Variants in ARID5B observed in about 807,000 individuals in gnomAD.
ARID5B encodes the protein AT-rich interaction domain 5B, also known as AT-rich interactive domain-containing protein 5B.
Under a neutral mutation model 97.2 loss-of-function variants are expected in ARID5B, and 13 were observed. The observed-to-expected ratio is 0.13, with a 90% CI of 0.09 to 0.21. ARID5B has a LOEUF of 0.21. Ranked by LOEUF, ARID5B falls within the 10% of genes least tolerant of loss-of-function variation. ARID5B has a pLI of 1.00. For synonymous variants in ARID5B, 556 were observed against 570.3 expected (o/e 0.97, Z 0.36); for missense variants, 1,210 against 1,465.3 (o/e 0.83, Z 2.84).
intron 4 of ARID5B, among the ~76,000 whole-genome samples, chr10:62,037,058 A>G (rs192121970): frequency 8.3e-4 from 127 of 152,360 alleles, no homozygotes; most frequent in Admixed American, 4.7e-3. Flanking sequence ...CTCCGGCTCC[A>G]TATTTTAAGA....
At chr10:62,045,048 A>G (rs1047758248) in intron 4 of ARID5B, among the ~76,000 whole-genome samples, 5 of 152,260 alleles carry the variant, frequency 3.3e-5, no homozygotes, top group Admixed American at 3.3e-4. Context: ...TGGATTTGAA[A>G]TAAAAATTTC....
chr10:62,059,095 C>G (rs568884129), intron 6 of ARID5B, 148 bp from the exon 7 acceptor site: 3 of 566,974 alleles, frequency 5.3e-6, no homozygotes, highest in Non-Finnish European at 9.2e-6. Flanking sequence ...GCCCTTTGGG[C>G]AAATTGTTTC....
chr10:62,029,187 T>G (rs1340912056), intron 4 of ARID5B, among the ~76,000 whole-genome samples: 1 of 152,162 alleles, frequency 6.6e-6, no homozygotes, highest in Non-Finnish European at 1.5e-5. Context: ...CTCCATTTTT[T>G]TATGTTCCGC....
At chr10:62,027,285 CTTTTTTTTTTTTTTTTTTTTTTTTTT>C (rs777291593) in intron 4 of ARID5B, among the ~76,000 whole-genome samples, 9 of 67,404 alleles carry the variant, frequency 1.3e-4, no homozygotes, top group Admixed American at 9.3e-4. Context: ...ACAGTATCTC[CTTTTTTTTTTTTTTTTTTTTTTTTTT>C]TTTTTTTTTT....
intron 3 of ARID5B, among the ~76,000 whole-genome samples, chr10:61,940,613 A>G (rs1156415261): frequency 2.6e-5 from 4 of 152,024 alleles, no homozygotes; most frequent in Admixed American, 6.6e-5. Flanking sequence ...CCTTTTATGT[A>G]TGGACCCTTG....
chr10:61,993,428 A>G (rs1215286685), intron 3 of ARID5B, among the ~76,000 whole-genome samples: 1 of 152,214 alleles, frequency 6.6e-6, no homozygotes, highest in African/African-American at 2.4e-5. Context: ...TTTCTGTATA[A>G]TGTCCTGTAA....
intron 3 of ARID5B, among the ~76,000 whole-genome samples, chr10:61,973,450 A>G (rs965271695): frequency 1.3e-5 from 2 of 152,222 alleles, no homozygotes; most frequent in Admixed American, 6.5e-5. Flanking sequence ...GGAAACATTC[A>G]TTCCACTATT....
intron 3 of ARID5B, among the ~76,000 whole-genome samples, chr10:61,973,848 A>G (rs1019379123): frequency 6.6e-6 from 1 of 152,220 alleles, no homozygotes; most frequent in Non-Finnish European, 1.5e-5. Context: ...TATTACAAAT[A>G]GTTTGAAGAT....
intron 4 of ARID5B, among the ~76,000 whole-genome samples, chr10:62,033,157 A>T (rs1290913547): frequency 6.6e-6 from 1 of 152,152 alleles, no homozygotes; most frequent in Non-Finnish European, 1.5e-5. Flanking sequence ...GATACAGGGG[A>T]TTCCAATGAT....
At chr10:61,926,407 T>C (rs1304948777) in intron 2 of ARID5B, among the ~76,000 whole-genome samples, 2 of 151,942 alleles carry the variant, frequency 1.3e-5, no homozygotes, top group Admixed American at 1.3e-4. Context: ...TCCACTTCAG[T>C]TTTTTCATCT....
chr10:61,979,766 G>A (rs900559851), intron 3 of ARID5B, among the ~76,000 whole-genome samples: 13 of 152,138 alleles, frequency 8.5e-5, no homozygotes, highest in African/African-American at 2.2e-4. Context: ...CTTTTAAAAC[G>A]AGAAGAAAAC....
At chr10:62,004,899 C>A (rs1839126826) in intron 4 of ARID5B, among the ~76,000 whole-genome samples, 1 of 152,122 alleles carries the variant, frequency 6.6e-6, no homozygotes. Flanking sequence ...TGTAAGGCAG[C>A]TCAATATATA....
intron 6 of ARID5B, among the ~76,000 whole-genome samples, 198 bp downstream of exon 6, chr10:62,057,516 T>C (rs1451719461): frequency 6.6e-6 from 1 of 152,198 alleles, no homozygotes; most frequent in Non-Finnish European, 1.5e-5. Flanking sequence ...TCTGGGACAG[T>C]TGCAGTGAGA....
chr10:62,090,994 A>C lies in ARID5B; in HGVS notation c.1531A>C (p.Arg511=). 1.2e-6 allele frequency: 2 copies of C among 1,614,212 alleles called. No individual in the cohort carries two copies. Among genetic ancestry groups the C allele is most frequent in the Non-Finnish European group, 1.7e-6 (2 of 1,180,030 alleles). ...QEFSAKPLAS[R]VDPEKDNETD... ...ATTTTCAGCGAAGCCCCTGGCATCC[A>C]GAGTAGACCCAGAGAAGGACAACGA... The change falls in exon 10 of 10, where the codon AGA becomes CGA. Residue 511 remains arginine, a synonymous_variant. Transcript: ENST00000279873.
chr10:62,084,607 T>A (rs932440894), intron 8 of ARID5B, among the ~76,000 whole-genome samples: 1 of 152,250 alleles, frequency 6.6e-6, no homozygotes, highest in Non-Finnish European at 1.5e-5. Flanking sequence ...GAGTCATTAA[T>A]CATACCAAAT....
intron 3 of ARID5B, among the ~76,000 whole-genome samples, chr10:61,996,359 T>C (rs1838996215): frequency 6.6e-6 from 1 of 152,122 alleles, no homozygotes; most frequent in African/African-American, 2.4e-5. Context: ...CTGTTATTAT[T>C]ATTACTATTA....
In ARID5B at chr10:61,970,485, G is replaced by A. The variant is rs553701732; in HGVS notation, c.503-29606G>A. Among the ~76,000 whole-genome samples the A allele has an allele frequency of 5.3e-5, 8 of 152,246 alleles. No individual in the cohort carries two copies. In the East Asian group the frequency reaches 1.5e-3, roughly 29 times the overall value. ...TTAAATGTATGTAGAAGATATAGAA[G>A]GATTATTGTGTCTGTTTCAGATGTA... is the stretch of plus-strand genomic sequence containing the variant. On this transcript the variant is annotated intron_variant, in intron 3 of 9. Coordinates refer to ENST00000279873, the MANE Select transcript of ARID5B (RefSeq NM_032199.3).
intron 4 of ARID5B, among the ~76,000 whole-genome samples, chr10:62,028,058 T>C (rs1374004152): frequency 6.6e-6 from 1 of 152,204 alleles, no homozygotes; most frequent in Non-Finnish European, 1.5e-5. Flanking sequence ...ATGAGTTAAC[T>C]CTAAGTCACA....
intron 4 of ARID5B, among the ~76,000 whole-genome samples, chr10:62,028,236 T>C (rs1839447346): frequency 6.6e-6 from 1 of 152,218 alleles, no homozygotes; most frequent in Non-Finnish European, 1.5e-5. Flanking sequence ...CCTTTAATGA[T>C]GTGGGGGATA....
Sources: allele counts gnomAD v4.1 joint callset (sites outside exome capture counted in the v4.1 genomes callset), GRCh38; gene constraint gnomAD v4.1.1; transcripts MANE v1.5; gene names NCBI Gene and HGNC (gene_info 2026-07-23, HGNC 2026-07-21).